SRPK2: variants seen among roughly 807,000 people sequenced by gnomAD.
SRPK2 encodes the protein SFRS protein kinase 2.
A neutral mutation model predicts 90.8 loss-of-function variants in SRPK2; 21 were observed. That is an observed-to-expected ratio of 0.23 (90% CI 0.16 to 0.33). The LOEUF is 0.33. Ranked by LOEUF, SRPK2 falls within the 10% of genes least tolerant of loss-of-function variation. SRPK2 has a pLI of 1.00. For missense variants in SRPK2, 620 were observed against 869.0 expected (o/e 0.71, Z 3.60); for synonymous variants, 288 against 311.1 (o/e 0.93, Z 0.78).
intron 2 of SRPK2, among the ~76,000 whole-genome samples, chr7:105,312,036 T>C (rs6466057): frequency 0.73 from 110,652 of 152,114 alleles, 40,783 homozygotes; most frequent in African/African-American, 0.84. Flanking sequence ...AAGTGAACTT[T>C]GACAAATGCT....
intron 2 of SRPK2, among the ~76,000 whole-genome samples, chr7:105,232,191 G>A (rs1034218367): frequency 2.0e-5 from 3 of 152,126 alleles, no homozygotes; most frequent in Non-Finnish European, 2.9e-5. Flanking sequence ...TGCAGGCCGG[G>A]CGCGGTGGCT....
At chr7:105,274,643 G>GAA (rs113747387) in intron 2 of SRPK2, among the ~76,000 whole-genome samples, 146 of 144,232 alleles carry the variant, frequency 1.0e-3, no homozygotes, top group Non-Finnish European at 1.1e-3. Context: ...CTCAAAGAAA[G>GAA]AAAAAAAAAA....
intron 2 of SRPK2, among the ~76,000 whole-genome samples, chr7:105,347,771 T>G (rs1816642245): frequency 6.6e-6 from 1 of 151,176 alleles, no homozygotes; most frequent in Non-Finnish European, 1.5e-5. Flanking sequence ...GCAGGAGAAT[T>G]GCTTGAACCC....
chr7:105,246,409 T>C (rs991495133), intron 2 of SRPK2, among the ~76,000 whole-genome samples: 1 of 152,200 alleles, frequency 6.6e-6, no homozygotes, highest in Non-Finnish European at 1.5e-5. Flanking sequence ...GCCAGTTATA[T>C]TTGAGATGTC....
intron 2 of SRPK2, among the ~76,000 whole-genome samples, chr7:105,321,075 T>C (rs548737067): frequency 5.9e-5 from 9 of 152,256 alleles, no homozygotes; most frequent in African/African-American, 2.2e-4. Context: ...CCAAGTGATC[T>C]TCCCACCTCA....
intron 11 of SRPK2, among the ~76,000 whole-genome samples, chr7:105,136,512 G>A (rs968139637): frequency 1.3e-5 from 2 of 152,194 alleles, no homozygotes; most frequent in Non-Finnish European, 2.9e-5. Context: ...AGGGGAATGA[G>A]TGGAAAGCTT....
Position 105,132,802 on chromosome 7 carries a change from T to A in SRPK2, c.1741A>T (p.Thr581Ser). ...ACAGCCGTCCTTACCATACACGCCGTGCTCCAGATGTCCGCAGGGGTGCTG... is the reference window on the plus strand; with the variant it reads ...ACAGCCGTCCTTACCATACACGCCGAGCTCCAGATGTCCGCAGGGGTGCTG... ...GYSTPADIWS[T>S]ACMAFELATG... is the part of the protein sequence containing the mutation. The change falls in exon 13 of 16, where the codon ACG becomes TCG. Residue 581 changes from threonine to serine, a missense_variant. Physicochemically the swap from Thr to Ser is moderately conservative, Grantham distance 58. This residue lies in a region of SRPK2 where 9 missense variants were observed against 16.6 expected (regional missense o/e 0.54). Transcript: ENST00000393651. 6.2e-7 allele frequency: 1 copy of A among 1,608,586 alleles called. No individual in the cohort carries two copies. Among genetic ancestry groups the A allele is most frequent in the Non-Finnish European group, 8.5e-7 (1 of 1,177,088 alleles).
intron 2 of SRPK2, among the ~76,000 whole-genome samples, chr7:105,227,753 T>C (rs1239558587): frequency 6.6e-6 from 1 of 152,070 alleles, no homozygotes; most frequent in Non-Finnish European, 1.5e-5. Context: ...TATAAAAACA[T>C]ATATTCACTC....
chr7:105,201,511 T>C (rs1257166253), intron 3 of SRPK2, among the ~76,000 whole-genome samples: 1 of 151,974 alleles, frequency 6.6e-6, no homozygotes, highest in Admixed American at 6.6e-5. Context: ...TGGTTACATC[T>C]CCTGACCCAC....
intron 2 of SRPK2, among the ~76,000 whole-genome samples, chr7:105,247,398 A>C (rs1001061833): frequency 6.6e-6 from 1 of 152,104 alleles, no homozygotes; most frequent in Non-Finnish European, 1.5e-5. Flanking sequence ...AATGGTGAGG[A>C]AGAGGGGAAG....
chr7:105,335,589 G>A (rs1039145200), intron 2 of SRPK2, among the ~76,000 whole-genome samples: 2 of 151,346 alleles, frequency 1.3e-5, no homozygotes, highest in Non-Finnish European at 2.9e-5. Flanking sequence ...CCCAGGAGGT[G>A]GAGGTTGCAG....
chr7:105,334,230 C>T (rs753293274), intron 2 of SRPK2, among the ~76,000 whole-genome samples: 13 of 152,174 alleles, frequency 8.5e-5, no homozygotes, highest in East Asian at 1.9e-4. Flanking sequence ...TATAGGCACA[C>T]GCCACCATGC....
In SRPK2 at chr7:105,160,600, G is replaced by A. The variant is rs1807466973; in HGVS notation, c.528C>T (p.Val176=). 1.2e-6 allele frequency: 2 copies of A among 1,610,694 alleles called. No homozygotes were observed. Among genetic ancestry groups the A allele is most frequent in the African/African-American group, 2.7e-5 (2 of 74,858 alleles). ...SGMNGIHVCM[V]FEVLGHHLLK... ...GGAGATGGTGGCCAAGTACTTCGAA[G>A]ACCATGCAGACATCTGGGACACAGT... Residue 176 remains valine, a synonymous_variant, in exon 7 of 16, where the codon GTC becomes GTT. Transcript: ENST00000393651.
At chr7:105,154,315 T>C (rs141263325) in intron 7 of SRPK2, among the ~76,000 whole-genome samples, 222 of 152,298 alleles carry the variant, frequency 1.5e-3, no homozygotes, top group African/African-American at 5.1e-3. Context: ...CTCAACATCC[T>C]GAGGAGAATT....
chr7:105,377,686 C>T (rs751110416), intron 2 of SRPK2, among the ~76,000 whole-genome samples: 1 of 151,942 alleles, frequency 6.6e-6, no homozygotes, highest in Non-Finnish European at 1.5e-5. Flanking sequence ...AGCAACAGAG[C>T]AAGACCCCGT....
chr7:105,174,082 TAA>T (rs11406138), intron 3 of SRPK2, among the ~76,000 whole-genome samples: 5 of 134,974 alleles, frequency 3.7e-5, no homozygotes, highest in South Asian at 2.3e-4. Context: ...CTGTCTCTAA[TAA>T]AAAAAAAAAA....
At chr7:105,185,470 G>A (rs1469289830) in intron 3 of SRPK2, among the ~76,000 whole-genome samples, 3 of 152,042 alleles carry the variant, frequency 2.0e-5, no homozygotes, top group African/African-American at 7.2e-5. Context: ...GAGTGCAAGG[G>A]TATATATTAT....
chr7:105,196,770 T>C (rs896296367), intron 3 of SRPK2, among the ~76,000 whole-genome samples: 1 of 152,030 alleles, frequency 6.6e-6, no homozygotes. Context: ...ACAACACAGA[T>C]TGGGCACAGT....
intron 2 of SRPK2, among the ~76,000 whole-genome samples, chr7:105,360,771 C>G (rs745663915): frequency 6.6e-6 from 1 of 152,038 alleles, no homozygotes; most frequent in East Asian, 1.9e-4. Context: ...GTGGGTAACC[C>G]GACAGGCCTT....
Sources: gnomAD v4.1 joint callset for allele counts (sites outside exome capture counted in the v4.1 genomes callset) on GRCh38, gnomAD v4.1.1 for gene constraint, gnomAD v4.1.1 regional missense constraint, MANE v1.5 for transcripts, NCBI Gene and HGNC (gene_info 2026-07-23, HGNC 2026-07-21) for gene names.